SLC49A3: variants seen among roughly 807,000 people sequenced by gnomAD.
The protein encoded by SLC49A3 is solute carrier family 49 member 3.
Under a neutral mutation model 43.8 loss-of-function variants are expected in SLC49A3, and 50 were observed. The ratio of observed to expected loss-of-function variants is 1.14; its 90% CI spans 0.91 to 1.45. The LOEUF is 1.45. SLC49A3 is among the 40% of genes most tolerant of loss of function. The pLI, the probability that SLC49A3 is intolerant of heterozygous loss-of-function variation, is 0.00. For missense variants in SLC49A3, 906 were observed against 774.1 expected, an observed-to-expected ratio of 1.17 and a Z score of -2.02; for synonymous variants, 413 against 352.0, an observed-to-expected ratio of 1.17 and a Z score of -1.94.
At chr4:689,337 G>T (rs572768518), upstream of SLC49A3, 4 of 327,974 alleles carry the variant, frequency 1.2e-5, no homozygotes, top group South Asian at 3.1e-4. Context: ...GCGGGCAAAG[G>T]TGAAGTTGGA....
In SLC49A3 at chr4:684,478, C is replaced by T. The variant is rs762850970; in HGVS notation, c.840+5G>A. ...CAGGGTCCCCAGGGGTGGGGCCAGGCTCACACTGGAGTGGCCGCTTGCACA... is the reference window on the plus strand; with the variant it reads ...CAGGGTCCCCAGGGGTGGGGCCAGGTTCACACTGGAGTGGCCGCTTGCACA... On this transcript the variant is annotated splice_donor_5th_base_variant and intron_variant, in intron 6 of 9. Transcript: ENST00000322224. The T allele has an allele frequency of 6.2e-7, 1 of 1,612,590 alleles. No individual in the cohort carries two copies. The highest frequency in any genetic ancestry group is 1.1e-5 in the South Asian group (1 of 91,052).
chr4:684,678 C>T, intron 5 of SLC49A3, 41 bp downstream of exon 5: 1 of 1,605,078 alleles, frequency 6.2e-7, no homozygotes, highest in South Asian at 1.1e-5. Context: ...CTTGCCCCCA[C>T]CCCCAAATCC....
chr4:687,479 C>T (rs546786453), intron 1 of SLC49A3, among the ~76,000 whole-genome samples: 1 of 152,328 alleles, frequency 6.6e-6, no homozygotes, highest in Admixed American at 6.5e-5. Context: ...CAGGACGGGG[C>T]CAGGCACAGA....
At position 683,594 on chromosome 4, in the gene SLC49A3, TGAG is replaced by T. The variant is rs1419652455; in HGVS notation, c.993+12_993+14del. The T allele has an allele frequency of 6.2e-7, 1 of 1,603,652 alleles. No homozygotes were observed. The highest frequency in any genetic ancestry group is 1.7e-5 in the Admixed American group (1 of 58,598). On this transcript the variant is annotated intron_variant, in intron 7 of 9. Transcript: ENST00000322224. Reference sequence around the variant, plus strand: ...CCACCCCCACAGGGCAGTCTTGGCTTGAGGAGACCCTCACCAGGGCAAAGGGCA... The same window carrying T: ...CCACCCCCACAGGGCAGTCTTGGCTTGAGACCCTCACCAGGGCAAAGGGCA...
downstream of SLC49A3, chr4:680,802 G>A (rs944827617): frequency 4.7e-6 from 3 of 640,436 alleles, no homozygotes; most frequent in African/African-American, 1.8e-5. Context: ...GGGGTGGGGC[G>A]GCTTCCCCTC....
At chr4:678,467 C>G, downstream of SLC49A3, 1 of 1,432,400 alleles carries the variant, frequency 7.0e-7, no homozygotes, top group Non-Finnish European at 9.1e-7. Context: ...AAGCCAGACA[C>G]CTGCAGCCGT....
chr4:683,794 G>T, intron 6 of SLC49A3, 33 bp from the exon 7 acceptor site: 1 of 1,540,436 alleles, frequency 6.5e-7, no homozygotes, highest in Non-Finnish European at 8.8e-7. Context: ...AGGGCCCCAA[G>T]AGGCCACCAT....
chr4:682,889 G>A lies in SLC49A3; in HGVS notation c.1153C>T (p.Gln385Ter), dbSNP rs1740089679. ...AATGMIFVLGQAEGILIMLAM... is the reference protein window; with the variant it reads ...AATGMIFVLG The stretch of plus-strand genomic sequence containing the variant: ...AGCATGATGAGTATTCCCTCGGCCT[G>A]CCTGGACACACGTGGCCCTCAGCCC... The change falls in exon 9 of 10, where the codon CAG becomes TAG. Residue 385 changes from glutamine to a stop codon, truncating the protein, a stop_gained and splice_region_variant. Coordinates refer to ENST00000322224, the MANE Select transcript of SLC49A3 (RefSeq NM_032219.4). LOFTEE classifies it high-confidence loss of function. 5 of 1,587,378 alleles carry A rather than the reference G, an allele frequency of 3.1e-6. No individual in the cohort carries two copies. The African/African-American group carries it at 5.4e-5, about 17-fold the overall frequency.
At chr4:684,006 C>T (rs1740450047) in intron 6 of SLC49A3, among the ~76,000 whole-genome samples, 1 of 152,228 alleles carries the variant, frequency 6.6e-6, no homozygotes, top group Non-Finnish European at 1.5e-5. Context: ...CCCCACAGGG[C>T]CGTGGTGCCT....
chr4:685,801 A>C lies in SLC49A3; in HGVS notation c.585+34T>G. 6.2e-7 allele frequency: 1 copy of C among 1,610,990 alleles called. No homozygotes were observed. The highest frequency in any genetic ancestry group is 8.5e-7 in the Non-Finnish European group (1 of 1,177,424). On this transcript the variant is annotated intron_variant, in intron 4 of 9. Transcript: ENST00000322224. The surrounding 1 kb of genome is among the most constrained non-coding windows in gnomAD (Gnocchi z 4.3). The stretch of plus-strand genomic sequence containing the variant: ...ACAGACGTGCATGCGCACACACCAC[A>C]CAGACCAGGCACGGGCGTCTCATGA...
chr4:678,204 GACCT>G, downstream of SLC49A3: 1 of 1,515,936 alleles, frequency 6.6e-7, no homozygotes, highest in Admixed American at 2.0e-5. Context: ...GCGTGTGTGT[GACCT>G]TGCGGGTGTG....
In SLC49A3 at chr4:684,830, G is replaced by A. The variant is rs368055750; in HGVS notation, c.612C>T (p.Gly204=). 62 of 1,612,310 alleles carry A rather than the reference G, an allele frequency of 3.8e-5. 1 individual carries two copies. Among genetic ancestry groups the A allele is most frequent in the South Asian group, 2.7e-4 (25 of 91,078 alleles). The change falls in exon 5 of 10, where the codon GGC becomes GGT. Residue 204 remains glycine (G), a synonymous_variant. Coordinates refer to ENST00000322224, the MANE Select transcript of SLC49A3 (RefSeq NM_032219.4). ...LMLGVYTIPA[G]VVCLLSTICL... ...AGATGGTGGACAGCAGGCAGACGAC[G>A]CCAGCAGGGATGGTATAGACACCGA...
chr4:682,212 C>CT lies in SLC49A3; in HGVS notation c.1425dup (p.Ala476SerfsTer69). On this transcript the variant is annotated frameshift_variant, in exon 10 of 10. Coordinates refer to ENST00000322224, the MANE Select transcript of SLC49A3 (RefSeq NM_032219.4). LOFTEE classifies it low-confidence loss of function (END_TRUNC). ...GGCCCCAGGACCCCAGCCCTTCCTG[C>CT]TCCCCCTCGGTCCACACCCGGCCCT... 3 of 1,375,290 alleles carry CT rather than the reference C, an allele frequency of 2.2e-6. No homozygotes were observed. The highest frequency in any genetic ancestry group is 2.8e-6 in the Non-Finnish European group (3 of 1,053,548). The allele number at this position is 1,375,290 out of a possible 1,614,324, so 85.2% of individuals were successfully genotyped here.
chr4:679,844 T>TG, downstream of SLC49A3: 1 of 1,354,776 alleles, frequency 7.4e-7, no homozygotes, highest in Non-Finnish European at 1.1e-6. Flanking sequence ...GGCCCTGTGC[T>TG]GGGGTCACCT....
downstream of SLC49A3, chr4:679,155 A>C: frequency 4.6e-5 from 43 of 927,002 alleles, no homozygotes; most frequent in East Asian, 8.0e-5. Flanking sequence ...AGGCCCACCA[A>C]CGGCCCTGAA....
chr4:686,368 C>T (rs1577366820), intron 2 of SLC49A3, 66 bp from the exon 3 acceptor site: 1 of 1,582,100 alleles, frequency 6.3e-7, no homozygotes, highest in South Asian at 1.2e-5. Flanking sequence ...TGCCCCGTCC[C>T]CCGAGCACCT....
chr4:682,944 G>A (rs1332829129), intron 8 of SLC49A3, 54 bp from the exon 9 acceptor site: 10 of 1,431,164 alleles, frequency 7.0e-6, no homozygotes, highest in Non-Finnish European at 9.4e-6. Context: ...CTCGGAGCCA[G>A]GTGCCACCTT....
chr4:683,869 C>G, intron 6 of SLC49A3, 108 bp from the exon 7 acceptor site: 1 of 1,350,870 alleles, frequency 7.4e-7, no homozygotes, highest in Non-Finnish European at 9.8e-7. Flanking sequence ...GCCCAAGGCC[C>G]AGGCATAGCA....
chr4:686,572 G>GC lies in SLC49A3; in HGVS notation c.253dup (p.Ala85GlyfsTer106). On this transcript the variant is annotated frameshift_variant, in exon 2 of 10. Transcript: ENST00000322224. LOFTEE classifies it high-confidence loss of function. ...GACGGAGTCCAGGATCCAGATGGCC[G>GC]CCACGCCAAATGGGGTGGATACCAC... 6.2e-7 allele frequency: 1 copy of GC among 1,613,124 alleles called. No homozygotes were observed. The highest frequency in any genetic ancestry group is 2.2e-5 in the East Asian group (1 of 44,872).
Sources: allele counts gnomAD v4.1 joint callset (sites outside exome capture counted in the v4.1 genomes callset), GRCh38; gene constraint gnomAD v4.1.1; non-coding constraint Gnocchi (gnomAD v3.1); transcripts MANE v1.5; gene names NCBI Gene and HGNC (gene_info 2026-07-23, HGNC 2026-07-21).